CNTLN: variants seen among roughly 807,000 people sequenced by gnomAD.
The protein encoded by CNTLN is centlein, also known as centlein, centrosomal protein.
In CNTLN, 212 loss-of-function variants were observed where a neutral mutation model predicts 180.0. The observed-to-expected ratio is 1.18, with a 90% confidence interval of 1.05 to 1.32. CNTLN has a LOEUF of 1.32. Ranked by LOEUF, CNTLN falls within the 40% of genes most tolerant of loss-of-function variation. The probability of loss-of-function intolerance (pLI) is 0.00; values close to 1 mark genes in which losing one functional copy is unlikely to be tolerated. For missense variants in CNTLN, 2,095 were observed against 1,610.9 expected (o/e 1.30, Z -5.14); for synonymous variants, 722 against 563.1 (o/e 1.28, Z -3.99).
chr9:17,389,400 T>C (rs1398222589), intron 14 of CNTLN, among the ~76,000 whole-genome samples: 1 of 152,166 alleles, frequency 6.6e-6, no homozygotes, highest in Non-Finnish European at 1.5e-5. Context: ...TTTTTGTATC[T>C]ATGGATATGT....
At chr9:17,219,261 T>C (rs1398986927) in intron 2 of CNTLN, among the ~76,000 whole-genome samples, 1 of 151,978 alleles carries the variant, frequency 6.6e-6, no homozygotes, top group East Asian at 1.9e-4. Context: ...AGGAACCTTT[T>C]TTTTTTTAGG....
intron 1 of CNTLN, among the ~76,000 whole-genome samples, chr9:17,139,332 C>T (rs374623663): frequency 1.4e-3 from 214 of 152,054 alleles, no homozygotes; most frequent in Non-Finnish European, 1.9e-3. Flanking sequence ...GTGATCTGCC[C>T]GCCTTGGCCT....
chr9:17,317,803 G>A (rs1563989197), intron 8 of CNTLN, among the ~76,000 whole-genome samples: 1 of 152,158 alleles, frequency 6.6e-6, no homozygotes, highest in Non-Finnish European at 1.5e-5. Flanking sequence ...GGAGGCGAGT[G>A]TGGCTAGATT....
At position 17,475,097 on chromosome 9, in the gene CNTLN, TTCTCTCTCAAGGTCTTTGTCCTCC is replaced by T. The variant is rs554225829; in HGVS notation, c.3855+8210_3855+8233del. ...TCTTTTTTGAACACTGCAGGCCCTC[TTCTCTCTCAAGGTCTTTGTCCTCC>T]TCTTCCTTATATTCAGGTAGTTTAT... On this transcript the variant is annotated intron_variant, in intron 23 of 25. Coordinates refer to ENST00000380647, the MANE Select transcript of CNTLN (RefSeq NM_017738.4). Among the ~76,000 whole-genome samples, 155 of 152,288 alleles carry T rather than the reference TTCTCTCTCAAGGTCTTTGTCCTCC, an allele frequency of 1.0e-3. 2 individuals carry two copies. The East Asian group carries it at 0.026, about 25-fold the overall frequency.
At chr9:17,211,393 C>T (rs1384884047) in intron 2 of CNTLN, among the ~76,000 whole-genome samples, 4 of 151,988 alleles carry the variant, frequency 2.6e-5, no homozygotes, top group Admixed American at 2.6e-4. Flanking sequence ...TCTGAGGGCT[C>T]TGTTCCGTTC....
At chr9:17,340,757 C>G in intron 10 of CNTLN, 70 bp from the exon 11 acceptor site, 38 of 1,310,780 alleles carry the variant, frequency 2.9e-5, no homozygotes, top group Non-Finnish European at 3.6e-5. Flanking sequence ...AGATGGGTAA[C>G]CTTTTATTTG....
chr9:17,514,544 G>C, the CNTLN span, among the ~76,000 whole-genome samples: 1 of 152,046 alleles, frequency 6.6e-6, no homozygotes, highest in African/African-American at 2.4e-5. Flanking sequence ...AACAAAATCA[G>C]ATAAAAATAC....
intron 2 of CNTLN, among the ~76,000 whole-genome samples, chr9:17,182,821 A>G (rs902113452): frequency 5.3e-5 from 8 of 152,152 alleles, no homozygotes; most frequent in Admixed American, 5.2e-4. Context: ...AGAGTTTTGG[A>G]GAGAAGAGAA....
At chr9:17,440,294 C>T (rs921684743) in intron 18 of CNTLN, among the ~76,000 whole-genome samples, 6 of 151,896 alleles carry the variant, frequency 4.0e-5, no homozygotes, top group Non-Finnish European at 8.8e-5. Flanking sequence ...GAAAACACGG[C>T]CGGGCATGGT....
chr9:17,236,316 C>G (rs886990083), intron 4 of CNTLN, 93 bp from the exon 5 acceptor site: 26 of 1,080,956 alleles, frequency 2.4e-5, no homozygotes, highest in Non-Finnish European at 3.1e-5. Flanking sequence ...GGTAAAACTG[C>G]ACAGTTTGTA....
chr9:17,169,619 G>A (rs755959439), intron 2 of CNTLN, among the ~76,000 whole-genome samples: 7 of 151,934 alleles, frequency 4.6e-5, no homozygotes, highest in Non-Finnish European at 7.4e-5. Flanking sequence ...TCCACATGTA[G>A]CTATCTAGTT....
chr9:17,413,988 C>G (rs1240183312), intron 16 of CNTLN, among the ~76,000 whole-genome samples: 1 of 152,182 alleles, frequency 6.6e-6, no homozygotes, highest in African/African-American at 2.4e-5. Flanking sequence ...AACAGCTAAA[C>G]AAACTGTGGT....
chr9:17,482,112 A>G (rs1588088698), intron 23 of CNTLN, among the ~76,000 whole-genome samples: 1 of 152,224 alleles, frequency 6.6e-6, no homozygotes, highest in Admixed American at 6.5e-5. Context: ...AAATGAATAT[A>G]TAGAAACTGA....
chr9:17,213,242 T>G (rs1409485258), intron 2 of CNTLN, among the ~76,000 whole-genome samples: 1 of 152,202 alleles, frequency 6.6e-6, no homozygotes, highest in Non-Finnish European at 1.5e-5. Flanking sequence ...TCCCAGAGAT[T>G]CTGGTATGTT....
intron 2 of CNTLN, among the ~76,000 whole-genome samples, chr9:17,217,604 G>A (rs1670271381): frequency 6.6e-6 from 1 of 152,200 alleles, no homozygotes; most frequent in African/African-American, 2.4e-5. Context: ...AAAACAGTCT[G>A]TTCTGAAGTG....
At chr9:17,245,870 G>T (rs1190959273) in intron 5 of CNTLN, among the ~76,000 whole-genome samples, 2 of 151,780 alleles carry the variant, frequency 1.3e-5, no homozygotes, top group African/African-American at 4.8e-5. Flanking sequence ...TTCAGTTCCA[G>T]AATTTCTGCT....
At chr9:17,306,216 C>G (rs182264094) in intron 7 of CNTLN, among the ~76,000 whole-genome samples, 414 of 145,918 alleles carry the variant, frequency 2.8e-3, no homozygotes, top group Non-Finnish European at 4.7e-3. Flanking sequence ...ATGGCACGAT[C>G]TCATCTCATT....
In CNTLN at chr9:17,462,938, A is replaced by C; in HGVS notation, c.3329A>C (p.Lys1110Thr). The change falls in exon 20 of 26, where the codon AAA becomes ACA. Residue 1110 changes from lysine to threonine, a missense_variant. Transcript: ENST00000380647. ...TAGAATGCTACTAATGAACTCACTA[A>C]ACAGTCATCAAATGTGAAGACTTTG... is the stretch of plus-strand genomic sequence containing the variant. ...KLKNATNELT[K>T]QSSNVKTLKF... The C allele has an allele frequency of 6.4e-7, 1 of 1,574,784 alleles. No homozygotes were observed. The highest frequency in any genetic ancestry group is 8.6e-7 in the Non-Finnish European group (1 of 1,162,540).
rs554240199 is a variant in CNTLN, at chr9:17,343,374, G to A, written c.1886+930G>A. On this transcript the variant is annotated intron_variant, in intron 12 of 25. Transcript: ENST00000380647. ...GAATATAGCCTCATTATGGTGTAAT[G>A]TAATTAAATGTCACTGAATTTTCTT... Among the ~76,000 whole-genome samples the A allele has an allele frequency of 1.2e-4, 18 of 152,234 alleles. No homozygotes were observed. In the South Asian group the frequency reaches 1.9e-3, roughly 16 times the overall value.
Sources: allele counts gnomAD v4.1 joint callset (sites outside exome capture counted in the v4.1 genomes callset), GRCh38; gene constraint gnomAD v4.1.1; transcripts MANE v1.5; gene names NCBI Gene and HGNC (gene_info 2026-07-23, HGNC 2026-07-21).